THUMPD3: variants seen among roughly 807,000 people sequenced by gnomAD.
The protein encoded by THUMPD3 is THUMP domain 3 tRNA guanosine methyltransferase, also known as tRNA (guanine(6)-N(2))-methyltransferase THUMP3.
In THUMPD3, 44 loss-of-function variants were observed where a neutral mutation model predicts 54.5. The ratio of observed to expected loss-of-function variants is 0.81; its 90% confidence interval spans 0.63 to 1.04. THUMPD3 has a LOEUF of 1.04. THUMPD3 is among the 50% of genes least tolerant of loss of function. THUMPD3 has a pLI of 0.00. For missense variants in THUMPD3, 604 were observed against 601.3 expected (o/e 1.00, Z -0.05); for synonymous variants, 196 against 201.4 (o/e 0.97, Z 0.23).
chr3:9,382,172 A>G (rs1337519102), intron 7 of THUMPD3, among the ~76,000 whole-genome samples: 1 of 152,092 alleles, frequency 6.6e-6, no homozygotes, highest in Non-Finnish European at 1.5e-5. Context: ...GTTATAATAC[A>G]TATTTTATGT....
At chr3:9,368,162 AT>A (rs2031717668) in intron 3 of THUMPD3, among the ~76,000 whole-genome samples, 1 of 152,156 alleles carries the variant, frequency 6.6e-6, no homozygotes, top group African/African-American at 2.4e-5. Context: ...TCTCTTAAGT[AT>A]TCAGATGATA....
chr3:9,377,204 G>A (rs1015241228), intron 5 of THUMPD3, among the ~76,000 whole-genome samples: 4 of 146,870 alleles, frequency 2.7e-5, no homozygotes, highest in Middle Eastern at 3.5e-3. Flanking sequence ...ATGCATGAGC[G>A]TGTGTGTGTG....
At chr3:9,383,727 G>A (rs1044176381) in intron 8 of THUMPD3, among the ~76,000 whole-genome samples, 1 of 151,852 alleles carries the variant, frequency 6.6e-6, no homozygotes, top group Non-Finnish European at 1.5e-5. Flanking sequence ...GGGTTCAAGC[G>A]ATTCTCCTGC....
At chr3:9,370,991 A>G (rs2031991478) in intron 3 of THUMPD3, 69 bp from the exon 4 acceptor site, 1 of 1,334,734 alleles carries the variant, frequency 7.5e-7, no homozygotes, top group Admixed American at 2.4e-5. Flanking sequence ...GTCCATAAGC[A>G]AAGTAGAGGT....
intron 4 of THUMPD3, 45 bp from the exon 5 acceptor site, chr3:9,374,471 T>A: frequency 6.2e-7 from 1 of 1,604,144 alleles, no homozygotes; most frequent in East Asian, 2.2e-5. Context: ...TAAGCGCAGT[T>A]TGAACAATCC....
chr3:9,364,475 T>G (rs1002789903), intron 1 of THUMPD3, among the ~76,000 whole-genome samples: 5 of 152,126 alleles, frequency 3.3e-5, no homozygotes, highest in African/African-American at 1.2e-4. Flanking sequence ...GCCTCCCAAG[T>G]AGCTGGGATT....
At chr3:9,384,494 C>A in intron 9 of THUMPD3, 30 bp from the exon 10 acceptor site, 1 of 1,612,446 alleles carries the variant, frequency 6.2e-7, no homozygotes, top group Non-Finnish European at 8.5e-7. Context: ...GATTGTCAAC[C>A]TAATTGTTAT....
intron 3 of THUMPD3, 91 bp from the exon 4 acceptor site, chr3:9,370,969 C>A: frequency 9.1e-7 from 1 of 1,102,176 alleles, no homozygotes; most frequent in Non-Finnish European, 1.3e-6. Context: ...GTGTCCCCCA[C>A]GGATACCAAC....
chr3:9,371,711 CTT>C (rs918516028), intron 4 of THUMPD3, among the ~76,000 whole-genome samples, 175 bp downstream of exon 4: 3 of 152,196 alleles, frequency 2.0e-5, no homozygotes, highest in African/African-American at 7.2e-5. Flanking sequence ...AACTGTATAA[CTT>C]TGGACTAGAT....
chr3:9,373,016 G>T (rs2032182300), intron 4 of THUMPD3, among the ~76,000 whole-genome samples: 1 of 152,148 alleles, frequency 6.6e-6, no homozygotes. Flanking sequence ...GGAGGCCTTG[G>T]CAGGCAGATC....
At position 9,363,055 on chromosome 3, in the gene THUMPD3, G is replaced by C. The variant is rs572159631; in HGVS notation, c.-126G>C. On this transcript the variant is annotated 5_prime_UTR_variant, in exon 1 of 10. Coordinates refer to ENST00000452837, the MANE Select transcript of THUMPD3 (RefSeq NM_001114092.2). ...AGCCTGACTTCCGTTTCCGGGGGCG[G>C]CTTCCGGCGGCGTGACCTGACCGCA... 5 of 152,444 alleles carry C rather than the reference G, an allele frequency of 3.3e-5. No homozygotes were observed. The East Asian group carries it at 9.6e-4, about 29-fold the overall frequency. 9.4% of individuals were successfully genotyped at this position (152,444 alleles called of 1,614,324 possible). A position where few individuals can be genotyped will look rare whatever the true frequency, so the allele number is the denominator to read the frequency against.
intron 2 of THUMPD3, 32 bp downstream of exon 2, chr3:9,365,352 C>G: frequency 6.2e-7 from 1 of 1,605,812 alleles, no homozygotes. Flanking sequence ...AAATAGTTTT[C>G]TAAGTTGATC....
chr3:9,368,551 C>T lies in THUMPD3; in HGVS notation c.330+1566C>T, dbSNP rs138613822. On this transcript the variant is annotated intron_variant, in intron 3 of 9. Transcript: ENST00000452837. Reference sequence around the variant, plus strand: ...CTAATTTTTGTATTTTTAGTAGAGACGGGGTTTCAGCATCTTGGCCAGGCT... The same window carrying T: ...CTAATTTTTGTATTTTTAGTAGAGATGGGGTTTCAGCATCTTGGCCAGGCT... Among the ~76,000 whole-genome samples, 225 of 151,734 alleles carry T rather than the reference C, an allele frequency of 1.5e-3. 6 individuals are homozygous for T. In the East Asian group the frequency reaches 0.027, roughly 18 times the overall value.
chr3:9,384,664 A>G lies in THUMPD3; in HGVS notation c.1500A>G (p.Gly500=). 6.2e-7 allele frequency: 1 copy of G among 1,614,204 alleles called. No homozygotes were observed. The highest frequency in any genetic ancestry group is 1.1e-5 in the South Asian group (1 of 91,090). Residue 500 remains glycine, a synonymous_variant, in exon 10 of 10, where the codon GGA becomes GGG. Transcript: ENST00000452837. ...VHPSEQDGER[G]TLWQCKE ...CTTCAGAACAAGACGGAGAAAGAGG[A>G]ACTCTTTGGCAATGCAAAGAATGAA...
In THUMPD3 at chr3:9,371,221, C is replaced by T. The variant is rs775427151; in HGVS notation, c.492C>T (p.Val164=). 6.2e-7 allele frequency: 1 copy of T among 1,611,156 alleles called. No individual in the cohort carries two copies. Among genetic ancestry groups the T allele is most frequent in the Admixed American group, 1.7e-5 (1 of 59,474 alleles). Residue 164 remains valine, a synonymous_variant, in exon 4 of 10, where the codon GTC becomes GTT. Transcript: ENST00000452837. ...SKEKINNGQE[V]KIDQRNVKKE... is the part of the protein sequence containing the mutation. Reference sequence around the variant, plus strand: ...AGAAGATTAATAATGGACAAGAAGTCAAAATCGATCAGAGAAATGTTAAAA... The same window carrying T: ...AGAAGATTAATAATGGACAAGAAGTTAAAATCGATCAGAGAAATGTTAAAA...
At chr3:9,374,784 T>TA in intron 5 of THUMPD3, 138 bp downstream of exon 5, 1 of 1,008,188 alleles carries the variant, frequency 9.9e-7, no homozygotes, top group Non-Finnish European at 1.5e-6. Context: ...GGAAAGCTAA[T>TA]GATCTATTTC....
chr3:9,382,154 G>A (rs1014532982), intron 7 of THUMPD3, among the ~76,000 whole-genome samples: 1 of 151,646 alleles, frequency 6.6e-6, no homozygotes, highest in African/African-American at 2.4e-5. Context: ...TGCAGTTATT[G>A]GTATGCGGTT....
intron 3 of THUMPD3, among the ~76,000 whole-genome samples, chr3:9,367,748 A>G (rs1221165973): frequency 6.6e-6 from 1 of 152,196 alleles, no homozygotes; most frequent in African/African-American, 2.4e-5. Flanking sequence ...AGCCTAGAAA[A>G]CAATAAGACC....
chr3:9,367,233 T>C (rs367556415), intron 3 of THUMPD3, among the ~76,000 whole-genome samples: 9 of 152,236 alleles, frequency 5.9e-5, no homozygotes, highest in African/African-American at 1.9e-4. Context: ...TTGTAAGAGA[T>C]ATAAACCTTA....
Sources: gnomAD v4.1 joint callset for allele counts (sites outside exome capture counted in the v4.1 genomes callset) on GRCh38, gnomAD v4.1.1 for gene constraint, MANE v1.5 for transcripts, NCBI Gene and HGNC (gene_info 2026-07-23, HGNC 2026-07-21) for gene names.